SHROOM4: variants seen among roughly 807,000 people sequenced by gnomAD.
The protein encoded by SHROOM4 is protein Shroom4.
A neutral mutation model predicts 80.3 loss-of-function variants in SHROOM4; 17 were observed. The ratio of observed to expected loss-of-function variants is 0.21; its 90% confidence interval spans 0.14 to 0.32. The LOEUF is 0.32. Among genes scored for constraint, SHROOM4 ranks in the 10% least tolerant of loss-of-function variants. The pLI is 1.00. For synonymous variants in SHROOM4, 400 were observed against 437.5 expected (o/e 0.91, Z 1.07); for missense variants, 993 against 1,140.3 (o/e 0.87, Z 1.86).
downstream of SHROOM4, among the ~76,000 whole-genome samples, chrX:50,583,508 T>C (rs73501604): frequency 5.5e-3 from 614 of 111,824 alleles, 2 homozygotes; most frequent in African/African-American, 0.018. Flanking sequence ...TTTGTGATTA[T>C]ATTACATTCT....
intron 1 of SHROOM4, among the ~76,000 whole-genome samples, chrX:50,764,086 GC>G (rs1935218226): frequency 8.9e-6 from 1 of 111,876 alleles, no homozygotes; most frequent in African/African-American, 3.2e-5. Context: ...AATAAAGTCA[GC>G]CCTCAACAGC....
chrX:50,744,147 C>A (rs1557267462), intron 1 of SHROOM4, among the ~76,000 whole-genome samples: 1 of 111,527 alleles, frequency 9.0e-6, no homozygotes, highest in African/African-American at 3.3e-5. Context: ...AGATTAATGT[C>A]TTTCATCATA....
chrX:50,691,251 T>A (rs1294331253), intron 2 of SHROOM4, among the ~76,000 whole-genome samples: 1 of 111,207 alleles, frequency 9.0e-6, no homozygotes, highest in African/African-American at 3.3e-5. Context: ...AAAAAAAAAA[T>A]GGTTCATAAA....
chrX:50,686,516 TTTTA>T (rs2147430974), intron 2 of SHROOM4, among the ~76,000 whole-genome samples: 1 of 111,831 alleles, frequency 8.9e-6, no homozygotes, highest in East Asian at 2.8e-4. Context: ...TTTAAATCTG[TTTTA>T]TTAACTGATA....
intron 2 of SHROOM4, among the ~76,000 whole-genome samples, chrX:50,694,050 C>G (rs1265664645): frequency 1.8e-5 from 2 of 111,670 alleles, no homozygotes; most frequent in Admixed American, 1.9e-4. Flanking sequence ...GGATTTCATT[C>G]TTTTTATGGC....
chrX:50,650,623 G>A (rs1291310078), intron 2 of SHROOM4, among the ~76,000 whole-genome samples: 2 of 110,995 alleles, frequency 1.8e-5, no homozygotes, highest in African/African-American at 3.3e-5. Context: ...CTCCCAAAGT[G>A]CTGGGATTAT....
intron 1 of SHROOM4, among the ~76,000 whole-genome samples, chrX:50,806,557 TAACTC>T (rs1215841374): frequency 8.9e-6 from 1 of 112,525 alleles, no homozygotes; most frequent in African/African-American, 3.2e-5. Flanking sequence ...TAAAAAATAG[TAACTC>T]AACTTATTCA....
At chrX:50,730,006 G>C (rs1201344313) in intron 1 of SHROOM4, among the ~76,000 whole-genome samples, 1 of 111,961 alleles carries the variant, frequency 8.9e-6, no homozygotes, top group Non-Finnish European at 1.9e-5. Flanking sequence ...AATTCTTCAG[G>C]CTAAATCAAA....
chrX:50,701,807 T>C (rs1933524803), intron 1 of SHROOM4, among the ~76,000 whole-genome samples: 2 of 111,261 alleles, frequency 1.8e-5, no homozygotes, highest in Non-Finnish European at 3.8e-5. Flanking sequence ...GAGAAAAACA[T>C]GGAGCATATC....
rs1557245517 is a variant in SHROOM4, at chrX:50,591,709, T to TCTTTCTTTCTTC, written c.*4985_*4986insGAAGAAAGAAAG. On this transcript the variant is annotated 3_prime_UTR_variant, in exon 9 of 9. Coordinates refer to ENST00000376020, the MANE Select transcript of SHROOM4 (RefSeq NM_020717.5). ...TCTTTCTTTCTTTTCTTTCTTTCTT[T>TCTTTCTTTCTTC]CTTTCTTTCTTTCTTTCTTTCTTTT... The TCTTTCTTTCTTC allele has an allele frequency of 3.5e-6, 1 of 283,601 alleles. No individual in the cohort carries two copies. Among genetic ancestry groups the TCTTTCTTTCTTC allele is most frequent in the African/African-American group, 3.0e-5 (1 of 33,754 alleles). The allele number at this position is 283,601 out of a possible 1,213,427, so 23.4% of individuals were successfully genotyped here. A position where few individuals can be genotyped will look rare whatever the true frequency, so the allele number is the denominator to read the frequency against.
chrX:50,590,752 A>G lies in SHROOM4; in HGVS notation c.*5943T>C, dbSNP rs1374329042. ...TATAGCAACCCAAGCATACTAAAACACATATTTTCTTTGAAGAAATGTCTA... is the reference window on the plus strand; with the variant it reads ...TATAGCAACCCAAGCATACTAAAACGCATATTTTCTTTGAAGAAATGTCTA... On this transcript the variant is annotated 3_prime_UTR_variant, in exon 9 of 9. Transcript: ENST00000376020. Among the ~76,000 whole-genome samples the G allele has an allele frequency of 1.8e-5, 2 of 112,452 alleles. No individual in the cohort carries two copies. Among genetic ancestry groups the G allele is most frequent in the Non-Finnish European group, 3.8e-5 (2 of 53,284 alleles).
rs891077140 is a variant in SHROOM4, at chrX:50,761,216, G to A, written c.117+52686C>T. Among the ~76,000 whole-genome samples, 9 of 110,652 alleles carry A rather than the reference G, an allele frequency of 8.1e-5. No homozygotes were observed. In the Admixed American group the frequency reaches 8.7e-4, roughly 11 times the overall value. Reference sequence around the variant, plus strand: ...ACCCTCCATCCTCAAGCAGACCCCAGTATCTGTTGTTCCCTTGTGTTCATG... The same window carrying A: ...ACCCTCCATCCTCAAGCAGACCCCAATATCTGTTGTTCCCTTGTGTTCATG... On this transcript the variant is annotated intron_variant, in intron 1 of 8. Coordinates refer to ENST00000376020, the MANE Select transcript of SHROOM4 (RefSeq NM_020717.5).
In SHROOM4 at chrX:50,767,467, G is replaced by A. The variant is rs190771393; in HGVS notation, c.117+46435C>T. On this transcript the variant is annotated intron_variant, in intron 1 of 8. Coordinates refer to ENST00000376020, the MANE Select transcript of SHROOM4 (RefSeq NM_020717.5). The stretch of plus-strand genomic sequence containing the variant: ...CCTCCTCAAACCCACCCATCCTGCC[G>A]CCCCAAATTCTAATTTGCTGCTGTA... Among the ~76,000 whole-genome samples, 414 of 110,361 alleles carry A rather than the reference G, an allele frequency of 3.8e-3. 2 individuals are homozygous for A. Among genetic ancestry groups the A allele is most frequent in the African/African-American group, 0.012 (378 of 30,338 alleles).
Position 50,814,056 on chromosome X carries a change from G to A in SHROOM4, c.-38C>T. ...TCAGGCGCCGCCGGGCTCCTTTTCC[G>A]AGGGGGCTACGTTGCCTCCGCCCCC... On this transcript the variant is annotated 5_prime_UTR_variant, in exon 1 of 9. Transcript: ENST00000376020. The A allele has an allele frequency of 9.7e-7, 1 of 1,035,461 alleles. No individual in the cohort carries two copies. Among genetic ancestry groups the A allele is most frequent in the Non-Finnish European group, 1.4e-6 (1 of 740,183 alleles). 85.3% of individuals were successfully genotyped at this position (1,035,461 alleles called of 1,213,427 possible). A position where few individuals can be genotyped will look rare whatever the true frequency, so the allele number is the denominator to read the frequency against.
At chrX:50,806,544 C>A (rs1268276299) in intron 1 of SHROOM4, among the ~76,000 whole-genome samples, 1 of 112,136 alleles carries the variant, frequency 8.9e-6, no homozygotes, top group Non-Finnish European at 1.9e-5. Flanking sequence ...CAATCTTTAG[C>A]CATAAAAAAT....
chrX:50,635,509 TGA>T lies in SHROOM4; in HGVS notation c.562_563del (p.Ala189LeufsTer12). The T allele has an allele frequency of 8.3e-7, 1 of 1,210,786 alleles. No homozygotes were observed. The highest frequency in any genetic ancestry group is 1.1e-6 in the Non-Finnish European group (1 of 895,196). On this transcript the variant is annotated frameshift_variant, in exon 4 of 9. Coordinates refer to ENST00000376020, the MANE Select transcript of SHROOM4 (RefSeq NM_020717.5). LOFTEE classifies it high-confidence loss of function. Reference protein sequence around the residue: ...DQNMYPNQRDSAYSSFSASSN... With the variant: ...DQNMYPNQRDXAYSSFSASSN... The stretch of plus-strand genomic sequence containing the variant: ...AGCTGGCCGAGAAGGAGCTGTAGGC[TGA>T]GTCACGCTGGTTAGGGTACATGTTC...
At chrX:50,718,323 A>AC (rs1557265086) in intron 1 of SHROOM4, among the ~76,000 whole-genome samples, 1 of 111,961 alleles carries the variant, frequency 8.9e-6, no homozygotes, top group East Asian at 2.8e-4. Context: ...GTAATCCTAA[A>AC]CATATATAAA....
intron 2 of SHROOM4, among the ~76,000 whole-genome samples, chrX:50,651,679 C>G (rs1319162416): frequency 1.8e-5 from 2 of 111,459 alleles, no homozygotes; most frequent in African/African-American, 6.5e-5. Flanking sequence ...GTTTGATGCA[C>G]CCATCAACCC....
downstream of SHROOM4, among the ~76,000 whole-genome samples, chrX:50,582,146 TTCTC>T (rs1557244309): frequency 2.7e-5 from 3 of 111,814 alleles, no homozygotes. Context: ...TTTAGAGTCT[TTCTC>T]TCTCCATTGC....
Sources: gnomAD v4.1 joint callset for allele counts (sites outside exome capture counted in the v4.1 genomes callset) on GRCh38, gnomAD v4.1.1 for gene constraint, MANE v1.5 for transcripts, NCBI Gene and HGNC (gene_info 2026-07-23, HGNC 2026-07-21) for gene names.